ATP6V0A4: variants seen among roughly 807,000 people sequenced by gnomAD.
ATP6V0A4 encodes the protein ATPase H+ transporting V0 subunit a4, also known as V-type proton ATPase 116 kDa subunit a 4.
ATP6V0A4 carries 86 observed loss-of-function variants against 107.3 expected under a neutral mutation model. The ratio of observed to expected loss-of-function variants is 0.80; its 90% confidence interval spans 0.67 to 0.96. ATP6V0A4 has a LOEUF of 0.96. ATP6V0A4 is among the 40% of genes least tolerant of loss of function. The probability of loss-of-function intolerance (pLI) is 0.00; values close to 1 mark genes in which losing one functional copy is unlikely to be tolerated. For missense variants in ATP6V0A4, 908 were observed against 1,045.6 expected (o/e 0.87, Z 1.81); for synonymous variants, 353 against 381.4 (o/e 0.93, Z 0.87).
intron 19 of ATP6V0A4, among the ~76,000 whole-genome samples, chr7:138,717,317 G>A (rs1330439686): frequency 6.6e-6 from 1 of 152,176 alleles, no homozygotes; most frequent in Non-Finnish European, 1.5e-5. Context: ...GGAGACCAAG[G>A]CAGGTGGATC....
intron 20 of ATP6V0A4, among the ~76,000 whole-genome samples, chr7:138,710,253 G>C (rs28499044): frequency 6.8e-6 from 1 of 147,502 alleles, no homozygotes; most frequent in Non-Finnish European, 1.5e-5. Context: ...GTGCAATGGC[G>C]TGATCTTGGC....
At chr7:138,785,264 T>C (rs1157802982) in intron 2 of ATP6V0A4, among the ~76,000 whole-genome samples, 1 of 148,322 alleles carries the variant, frequency 6.7e-6, no homozygotes, top group Non-Finnish European at 1.5e-5. Context: ...TGAATACTTC[T>C]CACTTTCTTT....
intron 15 of ATP6V0A4, among the ~76,000 whole-genome samples, chr7:138,737,292 C>CA (rs560548339): frequency 5.6e-4 from 84 of 150,840 alleles, no homozygotes; most frequent in Middle Eastern, 3.5e-3. Context: ...CATGGGAGTG[C>CA]ATAAGTCTCA....
chr7:138,728,279 G>A (rs1409612785), intron 18 of ATP6V0A4, among the ~76,000 whole-genome samples: 1 of 152,048 alleles, frequency 6.6e-6, no homozygotes, highest in Non-Finnish European at 1.5e-5. Context: ...AGGCTAGAGT[G>A]AAGTGTGATC....
At chr7:138,730,278 TG>T (rs1441605321) in intron 17 of ATP6V0A4, among the ~76,000 whole-genome samples, 5 of 152,030 alleles carry the variant, frequency 3.3e-5, no homozygotes, top group African/African-American at 4.8e-5. Context: ...TGCTGTCTCA[TG>T]GCCCTTTGTC....
chr7:138,714,179 G>A (rs753215812), intron 20 of ATP6V0A4, among the ~76,000 whole-genome samples: 11 of 150,184 alleles, frequency 7.3e-5, no homozygotes, highest in African/African-American at 1.5e-4. Flanking sequence ...CTGGGAGTTC[G>A]AGGCCGTGAT....
intron 20 of ATP6V0A4, among the ~76,000 whole-genome samples, chr7:138,710,800 T>C (rs1211189038): frequency 6.6e-6 from 1 of 152,096 alleles, no homozygotes; most frequent in Non-Finnish European, 1.5e-5. Context: ...TCATGAATCC[T>C]TTCCCCAGAA....
At chr7:138,796,063 G>A (rs1334292622) in intron 1 of ATP6V0A4, among the ~76,000 whole-genome samples, 1 of 152,064 alleles carries the variant, frequency 6.6e-6, no homozygotes, top group East Asian at 1.9e-4. Context: ...AGTACCCATT[G>A]GATAAATCAG....
chr7:138,784,975 G>A (rs1173445898), intron 2 of ATP6V0A4, among the ~76,000 whole-genome samples: 1 of 152,144 alleles, frequency 6.6e-6, no homozygotes, highest in East Asian at 1.9e-4. Context: ...GGCTTCCTGT[G>A]TTCTCATATC....
At chr7:138,735,584 G>T (rs1369860022) in intron 15 of ATP6V0A4, among the ~76,000 whole-genome samples, 1 of 152,184 alleles carries the variant, frequency 6.6e-6, no homozygotes, top group Non-Finnish European at 1.5e-5. Context: ...CACCCACTGA[G>T]GAGCCGGCTG....
Position 138,777,633 on chromosome 7 carries a change from T to TACAC in ATP6V0A4, c.-17-6373_-17-6370dup, listed in dbSNP as rs1176566807. ...TCCGTCTCAAAAAAAAAAAAAAAAA[T>TACAC]ACACACACACACACACACACACACA... On this transcript the variant is annotated intron_variant, in intron 2 of 21. Transcript: ENST00000310018. Among the ~76,000 whole-genome samples the TACAC allele has an allele frequency of 2.1e-3, 219 of 106,362 alleles. 4 individuals carry two copies. The highest frequency in any genetic ancestry group is 6.8e-3 in the East Asian group (20 of 2,960). The allele number at this position is 106,362 out of a possible 152,430, so 69.8% of individuals were successfully genotyped here.
intron 20 of ATP6V0A4, among the ~76,000 whole-genome samples, chr7:138,711,953 GAC>G (rs1166984575): frequency 6.6e-6 from 1 of 152,026 alleles, no homozygotes; most frequent in African/African-American, 2.4e-5. Flanking sequence ...CCTTTTTCGA[GAC>G]AGAGTCTCGC....
chr7:138,746,983 C>T (rs1562998489), intron 13 of ATP6V0A4, among the ~76,000 whole-genome samples: 5 of 152,166 alleles, frequency 3.3e-5, no homozygotes, highest in Admixed American at 1.3e-4. Context: ...TAAGTAAAAA[C>T]ACTACAAATA....
rs1417129726 is a variant in ATP6V0A4, at chr7:138,735,038, C to T, written c.1573-784G>A. Among the ~76,000 whole-genome samples, 5 of 152,144 alleles carry T rather than the reference C, an allele frequency of 3.3e-5. No homozygotes were observed. The East Asian group carries it at 9.6e-4, about 29-fold the overall frequency. ...CGTAAGACACAGTCCCTGCCTTCTACATGGCCCATTTTAAACAGCACTGCC... is the reference window on the plus strand; with the variant it reads ...CGTAAGACACAGTCCCTGCCTTCTATATGGCCCATTTTAAACAGCACTGCC... On this transcript the variant is annotated intron_variant, in intron 15 of 21. Coordinates refer to ENST00000310018, the MANE Select transcript of ATP6V0A4 (RefSeq NM_020632.3).
At chr7:138,747,368 A>G (rs936745607) in intron 13 of ATP6V0A4, 57 bp downstream of exon 13, 2 of 1,575,252 alleles carry the variant, frequency 1.3e-6, no homozygotes, top group Admixed American at 3.3e-5. Context: ...TGAAAACCAC[A>G]TACAGATTTT....
At chr7:138,718,362 G>C (rs553212602) in intron 19 of ATP6V0A4, among the ~76,000 whole-genome samples, 1 of 125,176 alleles carries the variant, frequency 8.0e-6, no homozygotes, top group African/African-American at 3.1e-5. Context: ...AGGAAGGAAG[G>C]GGGGAATGCA....
intron 8 of ATP6V0A4, among the ~76,000 whole-genome samples, chr7:138,758,282 A>G (rs1806608209): frequency 6.6e-6 from 1 of 152,220 alleles, no homozygotes. Flanking sequence ...GTATACTACA[A>G]TCATATAAAA....
intron 19 of ATP6V0A4, 152 bp from the exon 20 acceptor site, chr7:138,716,033 G>T: frequency 1.8e-6 from 2 of 1,120,916 alleles, no homozygotes; most frequent in Admixed American, 2.0e-5. Context: ...CTTAGAGAAA[G>T]AATTATCAGC....
At position 138,793,375 on chromosome 7, in the gene ATP6V0A4, C is replaced by T. The variant is rs186192121; in HGVS notation, c.-121+4659G>A. Among the ~76,000 whole-genome samples, 97 of 152,208 alleles carry T rather than the reference C, an allele frequency of 6.4e-4. 2 individuals are homozygous for T. In the East Asian group the frequency reaches 0.016, roughly 25 times the overall value. On this transcript the variant is annotated intron_variant, in intron 1 of 21. Coordinates refer to ENST00000310018, the MANE Select transcript of ATP6V0A4 (RefSeq NM_020632.3). ...ATTTGCCAGGAAGTTGTCAAAATTCCGTATTTGTTTGTACCTCAATTACAG... is the reference window on the plus strand; with the variant it reads ...ATTTGCCAGGAAGTTGTCAAAATTCTGTATTTGTTTGTACCTCAATTACAG...
Sources: allele counts gnomAD v4.1 joint callset (sites outside exome capture counted in the v4.1 genomes callset), GRCh38; gene constraint gnomAD v4.1.1; transcripts MANE v1.5; gene names NCBI Gene and HGNC (gene_info 2026-07-23, HGNC 2026-07-21).